The following SLCO3A1 variants were observed in gnomAD, a reference collection of about 807,000 sequenced individuals.
The protein encoded by SLCO3A1 is solute carrier organic anion transporter family member 3A1, also known as PGE1 transporter.
SLCO3A1 carries 27 observed loss-of-function variants against 63.1 expected under a neutral mutation model. The ratio of observed to expected loss-of-function variants is 0.43; its 90% CI spans 0.32 to 0.59. The LOEUF is 0.59. Ranked by LOEUF, SLCO3A1 falls within the 20% of genes least tolerant of loss-of-function variation. SLCO3A1 has a pLI of 0.09. For synonymous variants in SLCO3A1, 473 were observed against 409.9 expected (o/e 1.15, Z -1.86); for missense variants, 773 against 945.8 (o/e 0.82, Z 2.40).
chr15:91,984,892 G>A (rs976808461), intron 2 of SLCO3A1, among the ~76,000 whole-genome samples: 2 of 152,060 alleles, frequency 1.3e-5, no homozygotes, highest in Non-Finnish European at 2.9e-5. Flanking sequence ...TTTTGGTGTT[G>A]TGTTTGTATT....
intron 2 of SLCO3A1, among the ~76,000 whole-genome samples, chr15:91,918,316 A>G (rs953335535): frequency 1.1e-4 from 16 of 152,198 alleles, no homozygotes; most frequent in Admixed American, 9.2e-4. Flanking sequence ...AGGAAGAACT[A>G]TTCAGCCAAA....
At chr15:92,020,234 C>T (rs1378928793) in intron 2 of SLCO3A1, among the ~76,000 whole-genome samples, 1 of 143,534 alleles carries the variant, frequency 7.0e-6, no homozygotes, top group Admixed American at 6.7e-5. Flanking sequence ...TACACACACA[C>T]ACACTATATA....
rs559866518 is a variant in SLCO3A1, at chr15:91,865,369, A to T, written c.180+11281A>T. On this transcript the variant is annotated intron_variant, in intron 1 of 9. Coordinates refer to ENST00000318445, the MANE Select transcript of SLCO3A1 (RefSeq NM_013272.4). The surrounding 1 kb of genome is among the most constrained non-coding windows in gnomAD (Gnocchi z 4.6). ...CAGTTTATCTGTTGGTGAGGTGGAC[A>T]TGGGCTTGGAGGGGAGAGGGTGGAT... Among the ~76,000 whole-genome samples, 1 of 152,224 alleles carries T rather than the reference A, an allele frequency of 6.6e-6. No individual in the cohort carries two copies. The highest frequency in any genetic ancestry group is 1.5e-5 in the Non-Finnish European group (1 of 68,034).
intron 8 of SLCO3A1, chr15:92,149,551 G>A (rs796776700): frequency 8.5e-5 from 13 of 152,354 alleles, no homozygotes; most frequent in African/African-American, 3.1e-4. Flanking sequence ...CCCCACGCTG[G>A]GCTCCGAGAG....
chr15:91,890,026 A>C, intron 1 of SLCO3A1, among the ~76,000 whole-genome samples: 1 of 152,188 alleles, frequency 6.6e-6, no homozygotes, highest in Non-Finnish European at 1.5e-5. Flanking sequence ...TATTTTACTC[A>C]TTTATGACTA....
At chr15:92,022,377 C>T (rs12913189) in intron 2 of SLCO3A1, among the ~76,000 whole-genome samples, 29,306 of 152,020 alleles carry the variant, frequency 0.19, 3,116 homozygotes, top group Admixed American at 0.32. Context: ...TTGTAAGGAC[C>T]AAGGGTAATA....
chr15:92,146,151 A>C (rs2151587564), intron 7 of SLCO3A1, among the ~76,000 whole-genome samples: 1 of 152,136 alleles, frequency 6.6e-6, no homozygotes, highest in East Asian at 1.9e-4. Flanking sequence ...CCTCTGCACT[A>C]TTATTATGGA....
intron 1 of SLCO3A1, among the ~76,000 whole-genome samples, chr15:91,896,233 C>G (rs146829557): frequency 3.3e-5 from 5 of 152,302 alleles, no homozygotes; most frequent in African/African-American, 1.2e-4. Context: ...AGCATATGCA[C>G]CTCTCTATCC....
chr15:92,133,557 C>T (rs1021853411), intron 7 of SLCO3A1, among the ~76,000 whole-genome samples: 1 of 145,244 alleles, frequency 6.9e-6, no homozygotes, highest in East Asian at 1.9e-4. Context: ...TGAGCTCTGC[C>T]TCCTGTCAGA....
At chr15:92,165,961 C>T, downstream of SLCO3A1, 1 of 908,558 alleles carries the variant, frequency 1.1e-6, no homozygotes. Context: ...TGAACATGCC[C>T]AGGGTGGATG....
chr15:91,938,489 T>G (rs565186206), intron 2 of SLCO3A1, among the ~76,000 whole-genome samples: 52 of 151,902 alleles, frequency 3.4e-4, no homozygotes, highest in Non-Finnish European at 5.7e-4. Flanking sequence ...TTTGTTTTTT[T>G]TTTTTTTTGG....
At chr15:92,016,472 T>C (rs550852703) in intron 2 of SLCO3A1, among the ~76,000 whole-genome samples, 1 of 152,236 alleles carries the variant, frequency 6.6e-6, no homozygotes, top group African/African-American at 2.4e-5. Context: ...CTTTGAAGGC[T>C]AAAGGAAGGA....
intron 2 of SLCO3A1, among the ~76,000 whole-genome samples, chr15:91,963,384 C>T (rs7172159): frequency 2.0e-4 from 22 of 111,786 alleles, no homozygotes; most frequent in Admixed American, 1.7e-3. Flanking sequence ...GTTTCTCTCT[C>T]GTGAGGGTTT....
chr15:92,082,779 A>G (rs2047362375), intron 2 of SLCO3A1, among the ~76,000 whole-genome samples: 1 of 152,240 alleles, frequency 6.6e-6, no homozygotes, highest in East Asian at 1.9e-4. Context: ...CCAGCCTGGT[A>G]GGAATCAGCC....
Position 92,113,461 on chromosome 15 carries a change from T to C in SLCO3A1, c.1010-7004T>C, listed in dbSNP as rs115394818. ...CATTCTAAATGCTCGTTTCTGGTGC[T>C]GATCATTTATTTGTTCACTCAAGCC... On this transcript the variant is annotated intron_variant, in intron 4 of 9. Coordinates refer to ENST00000318445, the MANE Select transcript of SLCO3A1 (RefSeq NM_013272.4). 4.9e-3 allele frequency among the ~76,000 whole-genome samples: 739 copies of C among 152,328 alleles called. 5 individuals are homozygous for C. Among genetic ancestry groups the C allele is most frequent in the African/African-American group, 0.017 (693 of 41,576 alleles).
intron 2 of SLCO3A1, among the ~76,000 whole-genome samples, chr15:91,936,212 G>A (rs773931582): frequency 3.3e-5 from 5 of 152,212 alleles, no homozygotes; most frequent in Non-Finnish European, 5.9e-5. Context: ...TGCTCAATGC[G>A]TTGTTATTAA....
chr15:91,935,040 G>A (rs1049494248), intron 2 of SLCO3A1, among the ~76,000 whole-genome samples: 9 of 152,116 alleles, frequency 5.9e-5, no homozygotes, highest in Non-Finnish European at 1.3e-4. Context: ...TGCAACCTCC[G>A]CCTCCTGGGT....
intron 2 of SLCO3A1, among the ~76,000 whole-genome samples, chr15:91,979,817 T>TA (rs2045961674): frequency 6.6e-6 from 1 of 152,090 alleles, no homozygotes; most frequent in African/African-American, 2.4e-5. Context: ...AATTAAATGG[T>TA]AGCATCTATT....
chr15:91,865,598 T>C lies in SLCO3A1; in HGVS notation c.180+11510T>C, dbSNP rs1457694815. ...CCCTTCCTTGCCTCTTCATGGCATG[T>C]GGGGGTGGCCAAGGGTCCTTGGATT... On this transcript the variant is annotated intron_variant, in intron 1 of 9. Coordinates refer to ENST00000318445, the MANE Select transcript of SLCO3A1 (RefSeq NM_013272.4). The surrounding 1 kb of genome is among the most constrained non-coding windows in gnomAD (Gnocchi z 4.6). Among the ~76,000 whole-genome samples the C allele has an allele frequency of 6.6e-6, 1 of 152,142 alleles. No homozygotes were observed. Among genetic ancestry groups the C allele is most frequent in the Non-Finnish European group, 1.5e-5 (1 of 67,998 alleles).
Sources: allele counts gnomAD v4.1 joint callset (sites outside exome capture counted in the v4.1 genomes callset), GRCh38; gene constraint gnomAD v4.1.1; non-coding constraint Gnocchi (gnomAD v3.1); transcripts MANE v1.5; gene names NCBI Gene and HGNC (gene_info 2026-07-23, HGNC 2026-07-21).